Variants in OTOGL observed in about 807,000 individuals in gnomAD.
OTOGL encodes otogelin-like protein.
Under a neutral mutation model 318.5 loss-of-function variants are expected in OTOGL, and 285 were observed. The ratio of observed to expected loss-of-function variants is 0.89; its 90% CI spans 0.81 to 0.99. The LOEUF (loss-of-function observed/expected upper bound fraction) is 0.99, where lower values mean the gene tolerates loss of function less well. Ranked by LOEUF, OTOGL falls within the 50% of genes least tolerant of loss-of-function variation. The pLI is 0.00. For missense variants in OTOGL, 2,899 were observed against 2,845.6 expected (o/e 1.02, Z -0.43); for synonymous variants, 987 against 936.5 (o/e 1.05, Z -0.99).
At chr12:80,260,738 T>A (rs1396255834) in intron 18 of OTOGL, among the ~76,000 whole-genome samples, 2 of 152,190 alleles carry the variant, frequency 1.3e-5, no homozygotes, top group Admixed American at 1.3e-4. Flanking sequence ...GCTCTATTTT[T>A]AAAATTTATT....
chr12:80,352,362 A>G lies in OTOGL; in HGVS notation c.5333A>G (p.Asp1778Gly). Residue 1778 changes from aspartate (D) to glycine (G), a missense_variant, in exon 45 of 59, where the codon GAT (aspartate) becomes GGT (glycine). Asp to Gly is a moderately conservative substitution (Grantham distance 94). Coordinates refer to ENST00000547103, the MANE Select transcript of OTOGL (RefSeq NM_001378609.3). Reference sequence around the variant, plus strand: ...ACCTATTTTTGGAACTATGAATGTGATGCACTTTCTGCATATGTGGCTCTG... The same window carrying G: ...ACCTATTTTTGGAACTATGAATGTGGTGCACTTTCTGCATATGTGGCTCTG... Reference protein sequence around the residue: ...NYTYFWNYECDALSAYVALCN... With the variant: ...NYTYFWNYECGALSAYVALCN... 6.2e-7 allele frequency: 1 copy of G among 1,612,050 alleles called. No individual in the cohort carries two copies. The highest frequency in any genetic ancestry group is 8.5e-7 in the Non-Finnish European group (1 of 1,178,514).
intron 23 of OTOGL, among the ~76,000 whole-genome samples, chr12:80,271,078 C>T (rs1439202958): frequency 1.3e-5 from 2 of 152,130 alleles, no homozygotes; most frequent in Non-Finnish European, 2.9e-5. Context: ...CATTCGGTAG[C>T]TACAGGGCCA....
chr12:80,124,758 C>G (rs1230409430), intron 1 of OTOGL, among the ~76,000 whole-genome samples: 2 of 151,852 alleles, frequency 1.3e-5, no homozygotes, highest in Admixed American at 6.5e-5. Flanking sequence ...CTTCACATCC[C>G]TTGTAAGTTG....
intron 57 of OTOGL, among the ~76,000 whole-genome samples, chr12:80,373,266 T>C (rs557682315): frequency 5.1e-4 from 77 of 152,174 alleles, no homozygotes; most frequent in African/African-American, 1.7e-3. Context: ...ACCCCGTCTC[T>C]ACTAAAAATA....
At chr12:80,269,482 G>A (rs1022356324) in intron 22 of OTOGL, among the ~76,000 whole-genome samples, 7 of 152,160 alleles carry the variant, frequency 4.6e-5, no homozygotes, top group Middle Eastern at 3.2e-3. Context: ...GCTCACCTCA[G>A]GGGTAAAATC....
intron 11 of OTOGL, among the ~76,000 whole-genome samples, chr12:80,241,337 C>G (rs989159114): frequency 6.6e-6 from 1 of 152,052 alleles, no homozygotes; most frequent in Non-Finnish European, 1.5e-5. Context: ...AATGCAGGAG[C>G]CTTGAAAGAA....
chr12:80,372,080 T>G lies in OTOGL; in HGVS notation c.6781+16T>G, dbSNP rs752458061. ...TGCAAGATCTGTAAGTGAGAGCATA[T>G]TCCATGCATTTACTTGATAGATTAG... is the stretch of plus-strand genomic sequence containing the variant. On this transcript the variant is annotated intron_variant, in intron 57 of 58. Coordinates refer to ENST00000547103, the MANE Select transcript of OTOGL (RefSeq NM_001378609.3). 3.3e-6 allele frequency: 5 copies of G among 1,502,228 alleles called. No homozygotes were observed. The highest frequency in any genetic ancestry group is 5.0e-5 in the East Asian group (2 of 40,008). 93.1% of individuals were successfully genotyped at this position (1,502,228 alleles called of 1,614,324 possible).
intron 24 of OTOGL, among the ~76,000 whole-genome samples, chr12:80,272,212 G>A (rs932548666): frequency 2.7e-4 from 41 of 152,048 alleles, no homozygotes; most frequent in African/African-American, 9.9e-4. Context: ...AGTGTATTGA[G>A]GCTACAAAGG....
At chr12:80,219,133 A>G (rs1028932689) in intron 5 of OTOGL, among the ~76,000 whole-genome samples, 1 of 151,406 alleles carries the variant, frequency 6.6e-6, no homozygotes, top group African/African-American at 2.4e-5. Context: ...TGTTGTTGAG[A>G]CAGAGTCTAG....
intron 38 of OTOGL, among the ~76,000 whole-genome samples, chr12:80,333,346 T>G (rs1888198981): frequency 6.6e-6 from 1 of 151,176 alleles, no homozygotes; most frequent in African/African-American, 2.4e-5. Context: ...TATGGATTTA[T>G]CTGTGAATCA....
intron 1 of OTOGL, among the ~76,000 whole-genome samples, chr12:80,184,030 T>C (rs1261632557): frequency 6.6e-6 from 1 of 152,232 alleles, no homozygotes; most frequent in East Asian, 1.9e-4. Flanking sequence ...TAGGTCCCTT[T>C]TTCCCATAGT....
At chr12:80,108,791 A>ATATATATATGTATATATATATGTG (rs1196451546) in intron 1 of OTOGL, among the ~76,000 whole-genome samples, 4 of 122,524 alleles carry the variant, frequency 3.3e-5, no homozygotes, top group African/African-American at 1.1e-4. Context: ...ATATATGTAT[A>ATATATATATGTATATATATATGTG]TATATATATG....
Position 80,222,197 on chromosome 12 carries a change from C to A in OTOGL, c.441C>A (p.Tyr147Ter). 2 of 1,598,334 alleles carry A rather than the reference C, an allele frequency of 1.3e-6. No homozygotes were observed. The highest frequency in any genetic ancestry group is 1.7e-6 in the Non-Finnish European group (2 of 1,178,842). Residue 147 changes from tyrosine to a stop codon, truncating the protein, a stop_gained, in exon 7 of 59, where the codon TAC (tyrosine) becomes TAA (stop). Coordinates refer to ENST00000547103, the MANE Select transcript of OTOGL (RefSeq NM_001378609.3). LOFTEE classifies it high-confidence loss of function. ...IYYYFPGNCS[Y>*]IFAKDCGDLE... ...ATTACTTCCCAGGAAACTGTTCTTACATTTTTGCAAAGGACTGTGGTGATT... is the reference window on the plus strand; with the variant it reads ...ATTACTTCCCAGGAAACTGTTCTTAAATTTTTGCAAAGGACTGTGGTGATT...
chr12:80,301,837 C>G (rs1290618264), intron 27 of OTOGL, among the ~76,000 whole-genome samples: 1 of 152,190 alleles, frequency 6.6e-6, no homozygotes, highest in Non-Finnish European at 1.5e-5. Context: ...TGCCATCAAT[C>G]AGAACATATT....
intron 26 of OTOGL, among the ~76,000 whole-genome samples, chr12:80,286,469 T>A (rs1474274249): frequency 1.3e-5 from 2 of 152,176 alleles, no homozygotes; most frequent in Non-Finnish European, 2.9e-5. Flanking sequence ...TTTTTGTAAC[T>A]CTGGTAGAAT....
At chr12:80,226,899 A>C (rs1013046670) in intron 7 of OTOGL, among the ~76,000 whole-genome samples, 4 of 152,168 alleles carry the variant, frequency 2.6e-5, no homozygotes, top group Non-Finnish European at 5.9e-5. Context: ...TTTAATTTAA[A>C]AATCACTTTC....
At chr12:80,156,068 TTTCCTGGGTG>T (rs1457994691) in intron 1 of OTOGL, among the ~76,000 whole-genome samples, 1 of 152,190 alleles carries the variant, frequency 6.6e-6, no homozygotes, top group African/African-American at 2.4e-5. Flanking sequence ...GCAAAATATT[TTTCCTGGGTG>T]TGCCTGTGAA....
chr12:80,369,679 C>T (rs10778732), intron 55 of OTOGL, among the ~76,000 whole-genome samples: 106,945 of 151,892 alleles, frequency 0.7, 39,971 homozygotes, highest in Non-Finnish European at 0.84. Context: ...CCATAGCTTG[C>T]GGCCTGGGCT....
At chr12:80,145,116 C>T (rs1872253461) in intron 1 of OTOGL, among the ~76,000 whole-genome samples, 2 of 151,412 alleles carry the variant, frequency 1.3e-5, no homozygotes, top group South Asian at 4.1e-4. Flanking sequence ...GTGTTTTAGA[C>T]ATGAAGTCCT....
Sources: allele counts gnomAD v4.1 joint callset (sites outside exome capture counted in the v4.1 genomes callset), GRCh38; gene constraint gnomAD v4.1.1; transcripts MANE v1.5; gene names NCBI Gene and HGNC (gene_info 2026-07-23, HGNC 2026-07-21).